The following POU6F2 variants were observed in gnomAD, a reference collection of about 807,000 sequenced individuals.
The protein encoded by POU6F2 is POU domain, class 6, transcription factor 2.
In POU6F2, 31 loss-of-function variants were observed where a neutral mutation model predicts 71.3. That is an observed-to-expected ratio of 0.43 (90% CI 0.33 to 0.59). POU6F2 has a LOEUF of 0.59. Ranked by LOEUF, POU6F2 falls within the 20% of genes least tolerant of loss-of-function variation. POU6F2 has a pLI of 0.04. For synonymous variants in POU6F2, 347 were observed against 355.7 expected (o/e 0.98, Z 0.27); for missense variants, 783 against 856.8 (o/e 0.91, Z 1.07).
intron 6 of POU6F2, among the ~76,000 whole-genome samples, chr7:39,419,145 G>GTATA (rs779903569): frequency 7.4e-6 from 1 of 134,316 alleles, no homozygotes; most frequent in African/African-American, 2.9e-5. Context: ...ATATATATAC[G>GTATA]TATATATGTG....
At chr7:39,206,789 A>C (rs1006806488) in intron 3 of POU6F2, among the ~76,000 whole-genome samples, 2 of 152,296 alleles carry the variant, frequency 1.3e-5, no homozygotes, top group African/African-American at 4.8e-5. Flanking sequence ...TAATATCTTC[A>C]AGCTATATCC....
chr7:39,350,649 C>T (rs993425564), intron 5 of POU6F2, among the ~76,000 whole-genome samples: 1 of 152,172 alleles, frequency 6.6e-6, no homozygotes, highest in African/African-American at 2.4e-5. Context: ...ATGCAATGAT[C>T]ACATTAAAGC....
At chr7:39,315,379 G>C (rs1301581204) in intron 4 of POU6F2, among the ~76,000 whole-genome samples, 2 of 152,138 alleles carry the variant, frequency 1.3e-5, no homozygotes, top group African/African-American at 2.4e-5. Flanking sequence ...TGAAGCCCCA[G>C]GGGTTTTTGC....
chr7:39,161,574 C>G (rs1336554692), intron 2 of POU6F2, among the ~76,000 whole-genome samples: 1 of 152,128 alleles, frequency 6.6e-6, no homozygotes, highest in Non-Finnish European at 1.5e-5. Flanking sequence ...AAGTGATTTG[C>G]TCAAGGTAGC....
In POU6F2 at chr7:39,383,008, T is replaced by G. The variant is rs1174264734; in HGVS notation, c.973-23592T>G. 3.3e-5 allele frequency among the ~76,000 whole-genome samples: 5 copies of G among 152,300 alleles called. 1 individual carries two copies. Among genetic ancestry groups the G allele is most frequent in the South Asian group, 4.1e-4 (2 of 4,824 alleles). ...ATCATGTAGTTTTTAAAAAGTGAAT[T>G]TAAAAATTACCTTTCCGCAAAAAGT... On this transcript the variant is annotated intron_variant, in intron 5 of 9. Coordinates refer to ENST00000518318, the MANE Select transcript of POU6F2 (RefSeq NM_001370959.1).
chr7:39,280,603 A>G (rs183024528), intron 4 of POU6F2, among the ~76,000 whole-genome samples: 1 of 152,328 alleles, frequency 6.6e-6, no homozygotes, highest in East Asian at 1.9e-4. Flanking sequence ...TAGTTATCTG[A>G]TACATTTCTC....
At chr7:39,261,410 G>T (rs1416251424) in intron 4 of POU6F2, among the ~76,000 whole-genome samples, 2 of 152,204 alleles carry the variant, frequency 1.3e-5, no homozygotes, top group Non-Finnish European at 2.9e-5. Flanking sequence ...ATGTGGATTT[G>T]TCTAGTTGCT....
intron 4 of POU6F2, among the ~76,000 whole-genome samples, chr7:39,243,678 C>T (rs532046505): frequency 6.6e-6 from 1 of 151,894 alleles, no homozygotes. Flanking sequence ...GGAACCAAGA[C>T]AGTTCATGCT....
intron 6 of POU6F2, among the ~76,000 whole-genome samples, chr7:39,407,919 G>A (rs553170671): frequency 6.6e-6 from 1 of 152,222 alleles, no homozygotes; most frequent in South Asian, 2.1e-4. Flanking sequence ...TCTTATCACA[G>A]GTGCACACCG....
intron 4 of POU6F2, among the ~76,000 whole-genome samples, chr7:39,279,675 T>C (rs1784524109): frequency 6.6e-6 from 1 of 152,210 alleles, no homozygotes; most frequent in South Asian, 2.1e-4. Context: ...TTGTACATTG[T>C]ATCACTCCAA....
chr7:39,408,832 G>GT (rs1405138051), intron 6 of POU6F2, among the ~76,000 whole-genome samples: 1 of 152,052 alleles, frequency 6.6e-6, no homozygotes, highest in Non-Finnish European at 1.5e-5. Flanking sequence ...TTGTTTGTTT[G>GT]TTTTTTGTTT....
chr7:39,124,231 GA>G (rs1429464786), intron 2 of POU6F2, among the ~76,000 whole-genome samples: 1 of 152,028 alleles, frequency 6.6e-6, no homozygotes, highest in African/African-American at 2.4e-5. Context: ...ATTTTTAGTA[GA>G]AACGGGGTTT....
chr7:39,148,395 A>G (rs1562723528), intron 2 of POU6F2, among the ~76,000 whole-genome samples: 1 of 152,164 alleles, frequency 6.6e-6, no homozygotes, highest in Non-Finnish European at 1.5e-5. Flanking sequence ...CTGAGTTTTG[A>G]TACGATAATT....
chr7:39,269,370 G>A (rs919160124), intron 4 of POU6F2, among the ~76,000 whole-genome samples: 3 of 152,154 alleles, frequency 2.0e-5, no homozygotes, highest in Admixed American at 6.5e-5. Context: ...CCTAGTAAAG[G>A]GGTCAGGAGA....
intron 4 of POU6F2, among the ~76,000 whole-genome samples, chr7:39,306,718 C>G (rs1313828756): frequency 6.6e-6 from 1 of 152,124 alleles, no homozygotes; most frequent in Non-Finnish European, 1.5e-5. Flanking sequence ...TGCAGAATAC[C>G]AAAAGCCTAA....
intron 4 of POU6F2, among the ~76,000 whole-genome samples, chr7:39,245,998 C>T (rs977092068): frequency 6.6e-6 from 1 of 152,204 alleles, no homozygotes; most frequent in Non-Finnish European, 1.5e-5. Context: ...TTTCCTCTCA[C>T]TGACCATTTC....
chr7:39,451,476 C>A (rs1788658354), intron 7 of POU6F2, 57 bp from the exon 8 acceptor site: 1 of 1,491,118 alleles, frequency 6.7e-7, no homozygotes, highest in Admixed American at 2.0e-5. Context: ...TGTTCCCTGG[C>A]ATTTTTCCCC....
At chr7:39,218,392 T>C (rs1794283273) in intron 4 of POU6F2, among the ~76,000 whole-genome samples, 1 of 152,082 alleles carries the variant, frequency 6.6e-6, no homozygotes, top group Non-Finnish European at 1.5e-5. Flanking sequence ...CAGTTCCCAA[T>C]TATTCTTGGC....
At chr7:39,081,955 G>T (rs976175886) in intron 1 of POU6F2, among the ~76,000 whole-genome samples, 3 of 152,198 alleles carry the variant, frequency 2.0e-5, no homozygotes, top group African/African-American at 7.2e-5. Context: ...TGCCTTTGGG[G>T]CAAGAAATTT....
Sources: allele counts gnomAD v4.1 joint callset (sites outside exome capture counted in the v4.1 genomes callset), GRCh38; gene constraint gnomAD v4.1.1; transcripts MANE v1.5; gene names NCBI Gene and HGNC (gene_info 2026-07-23, HGNC 2026-07-21).